The following USP9X variants were observed in gnomAD, a reference collection of about 807,000 sequenced individuals.
USP9X encodes the protein ubiquitin specific peptidase 9 X-linked.
USP9X carries 7 observed loss-of-function variants against 190.3 expected under a neutral mutation model. The observed-to-expected ratio is 0.04, with a 90% CI of 0.02 to 0.07. The LOEUF is 0.07. Among genes scored for constraint, USP9X ranks in the 10% least tolerant of loss-of-function variants. The pLI is 1.00. For synonymous variants in USP9X, 645 were observed against 659.5 expected (o/e 0.98, Z 0.34); for missense variants, 1,010 against 1,916.9 (o/e 0.53, Z 8.83).
chrX:41,152,032 A>G (rs971488768), intron 13 of USP9X, among the ~76,000 whole-genome samples: 1 of 112,040 alleles, frequency 8.9e-6, no homozygotes, highest in African/African-American at 3.2e-5. Flanking sequence ...TGTAAGATTA[A>G]ATGATTGCCA....
chrX:41,224,635 TA>T, intron 39 of USP9X, 106 bp from the exon 40 acceptor site: 41 of 719,312 alleles, frequency 5.7e-5, no homozygotes, highest in South Asian at 1.2e-4. Context: ...GACTCCATCT[TA>T]AAAAAAATAA....
chrX:41,133,246 A>G (rs7059176), intron 4 of USP9X, among the ~76,000 whole-genome samples: 21,552 of 111,337 alleles, frequency 0.19, 1,596 homozygotes, highest in Admixed American at 0.27. Flanking sequence ...GTGAAAATAC[A>G]ATACGCGGAC....
Position 41,097,978 on chromosome X carries a change from C to A in USP9X, c.-159+11869C>A, listed in dbSNP as rs779058597. 1.1e-4 allele frequency among the ~76,000 whole-genome samples: 12 copies of A among 111,331 alleles called. No homozygotes were observed. The South Asian group carries it at 4.5e-3, about 41-fold the overall frequency. ...TATTTTAACTGAGATATATAACTTA[C>A]AGTAAAATGCACAAATATGAGATTG... is the stretch of plus-strand genomic sequence containing the variant. On this transcript the variant is annotated intron_variant, in intron 1 of 44. Transcript: ENST00000378308.
At chrX:41,114,713 A>G (rs2062134364) in intron 1 of USP9X, among the ~76,000 whole-genome samples, 1 of 107,349 alleles carries the variant, frequency 9.3e-6, no homozygotes, top group African/African-American at 3.4e-5. Flanking sequence ...CAAACTCCTG[A>G]CTTCAAGTGA....
At position 41,223,372 on chromosome X, in the gene USP9X, G is replaced by A; in HGVS notation, c.6721G>A (p.Val2241Ile). 1 of 1,211,509 alleles carries A rather than the reference G, an allele frequency of 8.3e-7. No individual in the cohort carries two copies. Among genetic ancestry groups the A allele is most frequent in the Non-Finnish European group, 1.1e-6 (1 of 895,325 alleles). ...VVSQLIRCCN[V>I]SSRMQSSING... ...GTCACAGCTGATCCGCTGTTGCAAT[G>A]TCTCTTCAAGAATGCAGTCTTCAAT... Residue 2241 changes from valine to isoleucine, a missense_variant, in exon 39 of 45, where the codon GTC becomes ATC. By Grantham distance (29) the Val-to-Ile change is conservative. This residue lies in a region of USP9X where 121 missense variants were observed against 281.2 expected (regional missense o/e 0.43). Transcript: ENST00000378308.
intron 1 of USP9X, among the ~76,000 whole-genome samples, chrX:41,118,357 C>T (rs773457851): frequency 4.5e-5 from 5 of 110,513 alleles, no homozygotes; most frequent in Non-Finnish European, 7.6e-5. Context: ...AATCTGGGTA[C>T]CCGTGTACTT....
chrX:41,088,747 G>C (rs930312557), intron 1 of USP9X, among the ~76,000 whole-genome samples: 1 of 110,818 alleles, frequency 9.0e-6, no homozygotes, highest in African/African-American at 3.3e-5. Flanking sequence ...TATGTTTTCT[G>C]AGTCTTGAAT....
intron 32 of USP9X, among the ~76,000 whole-genome samples, chrX:41,207,342 C>A (rs1454884568): frequency 1.8e-5 from 2 of 110,817 alleles, no homozygotes; most frequent in African/African-American, 3.3e-5. Flanking sequence ...GCCTCGGCCT[C>A]CCAAAGTGCT....
chrX:41,089,200 A>G (rs761724091), intron 1 of USP9X, among the ~76,000 whole-genome samples: 1 of 111,938 alleles, frequency 8.9e-6, no homozygotes, highest in Non-Finnish European at 1.9e-5. Flanking sequence ...CATGATTATC[A>G]TTTGAGCATT....
At chrX:41,140,624 G>T (rs757110811) in intron 6 of USP9X, 32 bp from the exon 7 acceptor site, 1 of 1,081,674 alleles carries the variant, frequency 9.2e-7, no homozygotes, top group Admixed American at 2.4e-5. Flanking sequence ...TTTAAAGTAG[G>T]AAGTTAACTT....
intron 38 of USP9X, among the ~76,000 whole-genome samples, chrX:41,220,425 A>G (rs772409145): frequency 1.8e-5 from 2 of 112,401 alleles, no homozygotes; most frequent in Non-Finnish European, 3.8e-5. Flanking sequence ...TGAAGTCCTT[A>G]AGATCAGATA....
chrX:41,165,453 T>TGACCTCAGGTGATCCGCC (rs1232241566), intron 15 of USP9X, among the ~76,000 whole-genome samples: 1 of 112,201 alleles, frequency 8.9e-6, no homozygotes, highest in Non-Finnish European at 1.9e-5. Context: ...CACAAACTCC[T>TGACCTCAGGTGATCCGCC]GACCTCAGGT....
chrX:41,099,096 G>GTTTTTTTTTGT (rs2062015166), intron 1 of USP9X, among the ~76,000 whole-genome samples: 5 of 44,274 alleles, frequency 1.1e-4, no homozygotes, highest in Non-Finnish European at 1.8e-4. Context: ...CCAGATAATT[G>GTTTTTTTTTGT]TTTTTTTTTT....
At chrX:41,152,208 T>C (rs1389408023) in intron 13 of USP9X, among the ~76,000 whole-genome samples, 2 of 112,067 alleles carry the variant, frequency 1.8e-5, no homozygotes, top group East Asian at 5.5e-4. Flanking sequence ...TGTAAGAAAT[T>C]GAGACATATA....
rs757322011 is a variant in USP9X at position 41,235,574 on chromosome X, G to T, written c.*3050G>T. On this transcript the variant is annotated 3_prime_UTR_variant, in exon 45 of 45. Transcript: ENST00000378308. ...TTAGTTGTAAAACCATGTGAACAAGGGCTTTTGCCCTATTGTATCTAAGTA... is the reference window on the plus strand; with the variant it reads ...TTAGTTGTAAAACCATGTGAACAAGTGCTTTTGCCCTATTGTATCTAAGTA... The T allele has an allele frequency of 2.7e-5, 3 of 112,922 alleles. No individual in the cohort carries two copies. The highest frequency in any genetic ancestry group is 3.8e-5 in the Non-Finnish European group (2 of 53,288). 9.3% of individuals were successfully genotyped at this position (112,922 alleles called of 1,213,427 possible). A position where few individuals can be genotyped will look rare whatever the true frequency, so the allele number is the denominator to read the frequency against.
At chrX:41,209,725 A>G (rs756873545) in intron 32 of USP9X, among the ~76,000 whole-genome samples, 86 of 112,334 alleles carry the variant, frequency 7.7e-4, no homozygotes, top group Non-Finnish European at 1.1e-3. Flanking sequence ...ACTGTATACA[A>G]ATTTTTACTT....
At chrX:41,199,308 C>T (rs1213619328) in intron 30 of USP9X, among the ~76,000 whole-genome samples, 1 of 112,855 alleles carries the variant, frequency 8.9e-6, no homozygotes, top group Non-Finnish European at 1.9e-5. Flanking sequence ...CGCCATTTGG[C>T]AAGATAAATT....
chrX:41,120,602 A>G (rs2062182765), intron 1 of USP9X, among the ~76,000 whole-genome samples: 1 of 109,715 alleles, frequency 9.1e-6, no homozygotes, highest in African/African-American at 3.3e-5. Flanking sequence ...GGTTCACGCC[A>G]TTCTCCTGCC....
At chrX:41,115,456 A>G (rs1276700132) in intron 1 of USP9X, among the ~76,000 whole-genome samples, 1 of 112,025 alleles carries the variant, frequency 8.9e-6, no homozygotes, top group Non-Finnish European at 1.9e-5. Flanking sequence ...AAAATTCACA[A>G]GTCAAGATTA....
Sources: gnomAD v4.1 joint callset for allele counts (sites outside exome capture counted in the v4.1 genomes callset) on GRCh38, gnomAD v4.1.1 for gene constraint, gnomAD v4.1.1 regional missense constraint, MANE v1.5 for transcripts, NCBI Gene and HGNC (gene_info 2026-07-23, HGNC 2026-07-21) for gene names.